The following DHRSX variants were observed in gnomAD, a reference collection of about 807,000 sequenced individuals.
DHRSX encodes the protein polyprenol dehydrogenase.
A neutral mutation model predicts 34.0 loss-of-function variants in DHRSX; 31 were observed. That is an observed-to-expected ratio of 0.91 (90% CI 0.69 to 1.23). The LOEUF is 1.23. Ranked by LOEUF, DHRSX falls within the 50% of genes most tolerant of loss-of-function variation. The pLI is 0.00. For missense variants in DHRSX, 414 were observed against 428.1 expected (o/e 0.97, Z 0.29); for synonymous variants, 201 against 183.8 (o/e 1.09, Z -0.76).
chrX:2,447,523 C>T (rs2044153924), intron 1 of DHRSX, among the ~76,000 whole-genome samples: 2 of 152,092 alleles, frequency 1.3e-5, no homozygotes, highest in Admixed American at 6.6e-5. Context: ...CCAGTTATTC[C>T]ACCATAAGGT....
At chrX:2,387,500 A>C (rs1385317381) in intron 3 of DHRSX, among the ~76,000 whole-genome samples, 1 of 152,178 alleles carries the variant, frequency 6.6e-6, no homozygotes, top group Non-Finnish European at 1.5e-5. Flanking sequence ...GGAAGTATCC[A>C]GCACAGAGAA....
chrX:2,291,896 A>ATTTTTTTTTTTTTTT (rs928376249), intron 3 of DHRSX, among the ~76,000 whole-genome samples: 1 of 96,148 alleles, frequency 1.0e-5, no homozygotes, highest in Admixed American at 1.2e-4. Flanking sequence ...GTATTTTTGT[A>ATTTTTTTTTTTTTTT]TTTTTTTTTT....
intron 4 of DHRSX, among the ~76,000 whole-genome samples, chrX:2,283,330 G>T (rs2041755041): frequency 6.6e-6 from 1 of 152,102 alleles, no homozygotes; most frequent in African/African-American, 2.4e-5. Context: ...GGGAGAGGCA[G>T]AGGAAACCAC....
chrX:2,348,158 A>G (rs1220490923), intron 3 of DHRSX, among the ~76,000 whole-genome samples: 7 of 152,178 alleles, frequency 4.6e-5, no homozygotes, highest in African/African-American at 1.7e-4. Context: ...AAAGCAAGGC[A>G]AAAGAGAATA....
At chrX:2,285,192 G>C (rs1411737069) in intron 4 of DHRSX, among the ~76,000 whole-genome samples, 1 of 152,062 alleles carries the variant, frequency 6.6e-6, no homozygotes, top group Non-Finnish European at 1.5e-5. Context: ...CACTTTATTT[G>C]TATTATTATT....
At chrX:2,298,142 G>A (rs1569485120) in intron 3 of DHRSX, among the ~76,000 whole-genome samples, 3 of 151,998 alleles carry the variant, frequency 2.0e-5, no homozygotes, top group Non-Finnish European at 4.4e-5. Context: ...AGACTGGAGT[G>A]ATACAGCCAC....
At chrX:2,230,441 G>C (rs2015849909) in intron 6 of DHRSX, among the ~76,000 whole-genome samples, 1 of 152,154 alleles carries the variant, frequency 6.6e-6, no homozygotes. Flanking sequence ...AGACAACAGA[G>C]AGGAGATGGC....
intron 3 of DHRSX, among the ~76,000 whole-genome samples, chrX:2,327,162 C>T (rs1602950167): frequency 1.3e-5 from 2 of 152,150 alleles, no homozygotes; most frequent in Admixed American, 6.5e-5. Flanking sequence ...GCATGAGTGA[C>T]GCTGGCGGCC....
At position 2,412,504 on chromosome X, in the gene DHRSX, G is replaced by C. The variant is rs192182489; in HGVS notation, c.218-3691C>G. Among the ~76,000 whole-genome samples, 964 of 148,558 alleles carry C rather than the reference G, an allele frequency of 6.5e-3. 12 individuals carry two copies. The highest frequency in any genetic ancestry group is 0.023 in the African/African-American group (919 of 39,304). On this transcript the variant is annotated intron_variant, in intron 2 of 6. Transcript: ENST00000334651. ...GTTGGATTTTAAGGTGTGTCTAAAG[G>C]GGTGGCCTTTTTTTTTTTAAGAGTT...
intron 3 of DHRSX, among the ~76,000 whole-genome samples, chrX:2,387,327 T>C (rs1482743748): frequency 2.0e-5 from 3 of 152,292 alleles, no homozygotes; most frequent in African/African-American, 7.2e-5. Flanking sequence ...CAGGGTTCTC[T>C]AGAGGGACAG....
At chrX:2,453,263 G>T (rs2044249979) in intron 1 of DHRSX, among the ~76,000 whole-genome samples, 1 of 152,088 alleles carries the variant, frequency 6.6e-6, no homozygotes, top group African/African-American at 2.4e-5. Context: ...GCCAAAAGCG[G>T]TGGCTCATGT....
intron 4 of DHRSX, among the ~76,000 whole-genome samples, chrX:2,276,921 A>G (rs866785547): frequency 1.8e-4 from 3 of 17,116 alleles, no homozygotes; most frequent in East Asian, 5.1e-4. Context: ...GAGAGGGAAC[A>G]GGGAGAGAGA....
At chrX:2,338,194 A>G (rs1264984944) in intron 3 of DHRSX, among the ~76,000 whole-genome samples, 3 of 151,626 alleles carry the variant, frequency 2.0e-5, no homozygotes, top group Admixed American at 6.6e-5. Context: ...TTAGCCAGGC[A>G]TGGTGGTGCG....
intron 2 of DHRSX, among the ~76,000 whole-genome samples, chrX:2,424,872 G>C (rs2043822399): frequency 6.6e-6 from 1 of 152,130 alleles, no homozygotes; most frequent in South Asian, 2.1e-4. Flanking sequence ...AGGCGCAGTG[G>C]CTCACACCTG....
intron 1 of DHRSX, among the ~76,000 whole-genome samples, chrX:2,475,488 A>C (rs894331677): frequency 1.3e-5 from 2 of 151,216 alleles, no homozygotes; most frequent in Non-Finnish European, 2.9e-5. Flanking sequence ...ATGTTCCCTA[A>C]CCATGGGGCC....
chrX:2,274,178 C>T (rs1195252349), intron 4 of DHRSX, among the ~76,000 whole-genome samples: 4 of 151,678 alleles, frequency 2.6e-5, no homozygotes, highest in African/African-American at 4.8e-5. Flanking sequence ...CATGGGATTA[C>T]AGGCACCTGC....
intron 3 of DHRSX, among the ~76,000 whole-genome samples, chrX:2,298,985 CAAAAAAAAAAA>C (rs1162323678): frequency 0.013 from 1,194 of 88,526 alleles, 22 homozygotes; most frequent in African/African-American, 0.05. Flanking sequence ...AACTCTGTCT[CAAAAAAAAAAA>C]AAAAAAAAAA....
At chrX:2,473,588 A>C (rs2044627562) in intron 1 of DHRSX, among the ~76,000 whole-genome samples, 1 of 144,862 alleles carries the variant, frequency 6.9e-6, no homozygotes, top group Non-Finnish European at 1.5e-5. Context: ...CCTCCACTGC[A>C]CTCCAGCCTG....
chrX:2,490,814 G>A (rs950918431), intron 1 of DHRSX: 5 of 1,508,542 alleles, frequency 3.3e-6, no homozygotes, highest in Non-Finnish European at 4.5e-6. Context: ...AAGGGACCCA[G>A]GCACGCACGG....
Sources: gnomAD v4.1 joint callset for allele counts (sites outside exome capture counted in the v4.1 genomes callset) on GRCh38, gnomAD v4.1.1 for gene constraint, MANE v1.5 for transcripts, NCBI Gene and HGNC (gene_info 2026-07-23, HGNC 2026-07-21) for gene names.